NELL1: variants seen among roughly 807,000 people sequenced by gnomAD.
NELL1 encodes the protein protein kinase C-binding protein NELL1.
NELL1 carries 76 observed loss-of-function variants against 107.4 expected under a neutral mutation model. That is an observed-to-expected ratio of 0.71 (90% CI 0.59 to 0.86). The LOEUF is 0.86. NELL1 is among the 40% of genes least tolerant of loss of function. The probability of loss-of-function intolerance (pLI) is 0.00; values close to 1 mark genes in which losing one functional copy is unlikely to be tolerated. For missense variants in NELL1, 1,024 were observed against 1,005.5 expected, an observed-to-expected ratio of 1.02 and a Z score of -0.25; for synonymous variants, 353 against 341.2, an observed-to-expected ratio of 1.03 and a Z score of -0.38.
chr11:20,730,423 G>A (rs1031679175), intron 2 of NELL1, among the ~76,000 whole-genome samples: 7 of 152,266 alleles, frequency 4.6e-5, no homozygotes, highest in African/African-American at 1.7e-4. Flanking sequence ...TGTGCAGTCT[G>A]TCACAAATTT....
chr11:20,770,122 T>C (rs575321249), intron 2 of NELL1, among the ~76,000 whole-genome samples: 15 of 152,328 alleles, frequency 9.8e-5, no homozygotes, highest in African/African-American at 3.4e-4. Flanking sequence ...TTTTCATTTC[T>C]TTTAAAAAAG....
chr11:20,943,608 AC>A (rs1199542276), intron 10 of NELL1, among the ~76,000 whole-genome samples: 1 of 151,996 alleles, frequency 6.6e-6, no homozygotes, highest in African/African-American at 2.4e-5. Context: ...AAAACAAAAA[AC>A]CATATTTATC....
intron 2 of NELL1, among the ~76,000 whole-genome samples, chr11:20,702,281 G>A (rs1854813689): frequency 6.6e-6 from 1 of 152,148 alleles, no homozygotes; most frequent in Admixed American, 6.5e-5. Flanking sequence ...ATTATGAATA[G>A]GAGTTCACTC....
chr11:21,100,314 G>A (rs191236246), intron 12 of NELL1, among the ~76,000 whole-genome samples: 59 of 152,222 alleles, frequency 3.9e-4, no homozygotes, highest in African/African-American at 1.3e-3. Context: ...CACCATGCTC[G>A]GCCTCCATTT....
chr11:21,015,713 A>T (rs1033559494), intron 12 of NELL1, among the ~76,000 whole-genome samples: 19 of 151,890 alleles, frequency 1.3e-4, no homozygotes, highest in Non-Finnish European at 1.6e-4. Flanking sequence ...ACTAAGAATC[A>T]ATTCCAGAGT....
intron 14 of NELL1, among the ~76,000 whole-genome samples, chr11:21,233,397 T>A (rs1294131444): frequency 6.6e-6 from 1 of 152,188 alleles, no homozygotes; most frequent in Non-Finnish European, 1.5e-5. Flanking sequence ...CTTTCCTCCT[T>A]TTCTTTGTCC....
chr11:20,690,213 T>G (rs1854425289), intron 2 of NELL1, among the ~76,000 whole-genome samples: 1 of 152,188 alleles, frequency 6.6e-6, no homozygotes, highest in African/African-American at 2.4e-5. Flanking sequence ...TTGTGAAAAT[T>G]TTCTCCCATT....
At chr11:21,239,092 A>T (rs1858282585) in intron 14 of NELL1, among the ~76,000 whole-genome samples, 1 of 152,092 alleles carries the variant, frequency 6.6e-6, no homozygotes, top group African/African-American at 2.4e-5. Flanking sequence ...AGACATTAGC[A>T]ATTGTCAATA....
chr11:21,283,965 G>T (rs1043593397), intron 14 of NELL1: 1 of 335,204 alleles, frequency 3.0e-6, no homozygotes, highest in African/African-American at 2.2e-5. Flanking sequence ...ATGATTCCTG[G>T]AGATGGCACT....
At position 20,785,756 on chromosome 11, in the gene NELL1, A is replaced by G. The variant is rs563776729; in HGVS notation, c.335+1926A>G. 5.9e-5 allele frequency among the ~76,000 whole-genome samples: 9 copies of G among 152,030 alleles called. No homozygotes were observed. In the South Asian group the frequency reaches 1.0e-3, roughly 18 times the overall value. ...GTCTGTAAAATGTGTGTAATAATCT[A>G]TTTTCCCGGGCTGCTCTAAGGAAGA... On this transcript the variant is annotated intron_variant, in intron 3 of 19. Transcript: ENST00000357134.
At chr11:21,160,160 T>G (rs1856330904) in intron 13 of NELL1, among the ~76,000 whole-genome samples, 1 of 152,246 alleles carries the variant, frequency 6.6e-6, no homozygotes, top group Non-Finnish European at 1.5e-5. Context: ...GGTCTGCCTC[T>G]GTGCCTTTGT....
chr11:21,249,797 A>G (rs1858591546), intron 14 of NELL1, among the ~76,000 whole-genome samples: 1 of 152,206 alleles, frequency 6.6e-6, no homozygotes, highest in Non-Finnish European at 1.5e-5. Context: ...CCCAATTTTA[A>G]TCATAATGTG....
intron 11 of NELL1, among the ~76,000 whole-genome samples, chr11:20,947,637 T>A (rs1371215210): frequency 6.6e-6 from 1 of 152,236 alleles, no homozygotes; most frequent in Non-Finnish European, 1.5e-5. Flanking sequence ...ATCTACTTTG[T>A]AAGACTGCTG....
intron 15 of NELL1, among the ~76,000 whole-genome samples, chr11:21,390,321 C>G (rs1851840408): frequency 6.6e-6 from 1 of 150,862 alleles, no homozygotes; most frequent in Non-Finnish European, 1.5e-5. Flanking sequence ...TGCTCCTATT[C>G]TATTCCAGAG....
At chr11:21,401,382 T>C (rs1011122468) in intron 15 of NELL1, among the ~76,000 whole-genome samples, 1 of 151,846 alleles carries the variant, frequency 6.6e-6, no homozygotes. Context: ...AAATATGAAA[T>C]GGCATTTTTC....
At chr11:21,070,102 C>T (rs985347171) in intron 12 of NELL1, among the ~76,000 whole-genome samples, 72 of 151,842 alleles carry the variant, frequency 4.7e-4, no homozygotes, top group African/African-American at 1.7e-3. Context: ...CTCGACTAAC[C>T]TACTTACTGA....
chr11:21,531,774 G>GCTGA lies in NELL1; in HGVS notation c.1646-2596_1646-2593dup, dbSNP rs1488913015. On this transcript the variant is annotated intron_variant, in intron 15 of 19. Transcript: ENST00000357134. ...TCTTGTTTGTTTGCCTGTAGGGAGT[G>GCTGA]CTGACTGGGAGAAACAAATCTTTGC... 5.3e-5 allele frequency among the ~76,000 whole-genome samples: 8 copies of GCTGA among 152,290 alleles called. No homozygotes were observed. The East Asian group carries it at 1.5e-3, about 29-fold the overall frequency.
chr11:21,406,121 A>G (rs1374838666), intron 15 of NELL1, among the ~76,000 whole-genome samples: 1 of 152,018 alleles, frequency 6.6e-6, no homozygotes. Context: ...AATCTTCAAC[A>G]GGAGAAGGGA....
intron 3 of NELL1, among the ~76,000 whole-genome samples, chr11:20,808,688 T>C: frequency 6.6e-6 from 1 of 152,256 alleles, no homozygotes; most frequent in East Asian, 1.9e-4. Context: ...ACTCAGATTC[T>C]GACCATTGGG....
Sources: gnomAD v4.1 joint callset for allele counts (sites outside exome capture counted in the v4.1 genomes callset) on GRCh38, gnomAD v4.1.1 for gene constraint, MANE v1.5 for transcripts, NCBI Gene and HGNC (gene_info 2026-07-23, HGNC 2026-07-21) for gene names.